Variants in EML5 observed in about 807,000 individuals in gnomAD.
EML5 encodes the protein echinoderm microtubule-associated protein-like 5.
In EML5, 120 loss-of-function variants were observed where a neutral mutation model predicts 250.0. The observed-to-expected ratio is 0.48, with a 90% CI of 0.41 to 0.56. The LOEUF (loss-of-function observed/expected upper bound fraction) is 0.56. Ranked by LOEUF, EML5 falls within the 20% of genes least tolerant of loss-of-function variation. EML5 has a pLI of 0.00. For missense variants in EML5, 2,006 were observed against 2,437.6 expected (o/e 0.82, Z 3.73); for synonymous variants, 771 against 806.5 (o/e 0.96, Z 0.75).
intron 14 of EML5, 40 bp downstream of exon 14, chr14:88,702,406 G>T (rs747087051): frequency 1.1e-5 from 17 of 1,506,482 alleles, no homozygotes; most frequent in Admixed American, 4.1e-5. Flanking sequence ...TCAAACAAAG[G>T]TGTAGCTTAT....
intron 2 of EML5, among the ~76,000 whole-genome samples, chr14:88,751,533 T>G (rs777101352): frequency 6.6e-6 from 1 of 152,012 alleles, no homozygotes; most frequent in Non-Finnish European, 1.5e-5. Context: ...TGGTTTTTTT[T>G]TGATAGTGTT....
intron 1 of EML5, among the ~76,000 whole-genome samples, chr14:88,766,952 T>G (rs2094328524): frequency 6.6e-6 from 1 of 152,202 alleles, no homozygotes; most frequent in Non-Finnish European, 1.5e-5. Context: ...ATGTTTTACA[T>G]TCTTTCATAA....
At chr14:88,676,986 C>A (rs1419260474) in intron 21 of EML5, among the ~76,000 whole-genome samples, 1 of 152,168 alleles carries the variant, frequency 6.6e-6, no homozygotes, top group East Asian at 1.9e-4. Flanking sequence ...CTCACTGCAA[C>A]CTTCACCTCC....
intron 1 of EML5, among the ~76,000 whole-genome samples, chr14:88,780,766 G>A (rs1311015558): frequency 1.3e-5 from 2 of 151,988 alleles, no homozygotes; most frequent in Admixed American, 1.3e-4. Flanking sequence ...GTAGAGACGG[G>A]GTTTCATCAT....
At chr14:88,636,530 G>T (rs866907664) in intron 32 of EML5, among the ~76,000 whole-genome samples, 1 of 152,110 alleles carries the variant, frequency 6.6e-6, no homozygotes, top group Non-Finnish European at 1.5e-5. Context: ...GCATGGTGGC[G>T]TGCACCTGTA....
chr14:88,657,640 GA>G (rs1275088227), intron 26 of EML5, 138 bp from the exon 27 acceptor site: 5 of 721,986 alleles, frequency 6.9e-6, no homozygotes, highest in Non-Finnish European at 8.2e-6. Context: ...TATACAACCA[GA>G]AAAAACGATG....
intron 15 of EML5, 144 bp from the exon 16 acceptor site, chr14:88,695,598 G>T: frequency 1.3e-6 from 1 of 746,584 alleles, no homozygotes; most frequent in Non-Finnish European, 2.1e-6. Context: ...CCTATAAAAA[G>T]AACCAGAATT....
chr14:88,740,634 C>A, intron 4 of EML5, 62 bp from the exon 5 acceptor site: 1 of 1,400,452 alleles, frequency 7.1e-7, no homozygotes, highest in Non-Finnish European at 9.7e-7. Flanking sequence ...GTAAAACATT[C>A]CCAATACTTT....
chr14:88,631,042 G>T (rs1312673666), intron 33 of EML5, among the ~76,000 whole-genome samples: 2 of 152,136 alleles, frequency 1.3e-5, no homozygotes, highest in Non-Finnish European at 2.9e-5. Context: ...ATGGGCAACT[G>T]CCTGTCACTA....
At chr14:88,774,966 CCT>C (rs1204137912) in intron 1 of EML5, among the ~76,000 whole-genome samples, 9 of 152,172 alleles carry the variant, frequency 5.9e-5, no homozygotes, top group Admixed American at 1.3e-4. Flanking sequence ...TCATGAGGCC[CCT>C]GTTTCAGGCC....
At chr14:88,720,557 G>A (rs549568875) in intron 8 of EML5, among the ~76,000 whole-genome samples, 2 of 152,068 alleles carry the variant, frequency 1.3e-5, no homozygotes, top group South Asian at 4.2e-4. Flanking sequence ...TGCAGAAAAC[G>A]CCTTTGATAA....
Position 88,749,109 on chromosome 14 carries a change from C to T in EML5, c.358-2826G>A, listed in dbSNP as rs199607977. On this transcript the variant is annotated intron_variant, in intron 2 of 43. Coordinates refer to ENST00000554922, the MANE Select transcript of EML5 (RefSeq NM_183387.3). Reference sequence around the variant, plus strand: ...ATCCCAAGCAGGATAATCATTCACACAGAAAAAACACACAAGACACATGGC... The same window carrying T: ...ATCCCAAGCAGGATAATCATTCACATAGAAAAAACACACAAGACACATGGC... 5.9e-5 allele frequency among the ~76,000 whole-genome samples: 9 copies of T among 152,076 alleles called. No individual in the cohort carries two copies. The East Asian group carries it at 1.7e-3, about 29-fold the overall frequency.
chr14:88,757,817 T>C lies in EML5; in HGVS notation c.198-3146A>G, dbSNP rs537032810. Among the ~76,000 whole-genome samples, 10 of 151,992 alleles carry C rather than the reference T, an allele frequency of 6.6e-5. No individual in the cohort carries two copies. In the South Asian group the frequency reaches 2.1e-3, roughly 32 times the overall value. The stretch of plus-strand genomic sequence containing the variant: ...TTCCCTCTTTCCTTCCTTCCTTTTC[T>C]TGCTTTCTTCCTTTCTCTCTCTTTC... On this transcript the variant is annotated intron_variant, in intron 1 of 43. Coordinates refer to ENST00000554922, the MANE Select transcript of EML5 (RefSeq NM_183387.3).
intron 21 of EML5, among the ~76,000 whole-genome samples, chr14:88,669,770 T>C (rs978558224): frequency 2.0e-5 from 3 of 152,192 alleles, no homozygotes; most frequent in African/African-American, 7.2e-5. Flanking sequence ...GGGTCCTGGA[T>C]CCTGTACCTC....
intron 7 of EML5, among the ~76,000 whole-genome samples, chr14:88,735,590 G>A (rs1471798831): frequency 6.6e-6 from 1 of 152,212 alleles, no homozygotes; most frequent in East Asian, 1.9e-4. Context: ...CACAATAGGT[G>A]TATAAATTGT....
chr14:88,636,476 C>T (rs1328817537), intron 32 of EML5, among the ~76,000 whole-genome samples: 5 of 152,272 alleles, frequency 3.3e-5, no homozygotes, highest in African/African-American at 1.2e-4. Context: ...TCCTGGCCAA[C>T]ATGGTGAAAC....
intron 1 of EML5, among the ~76,000 whole-genome samples, chr14:88,767,797 A>T (rs1380840832): frequency 3.9e-5 from 6 of 152,230 alleles, no homozygotes; most frequent in Non-Finnish European, 8.8e-5. Flanking sequence ...TACAATATAA[A>T]CATTTTACAT....
intron 4 of EML5, among the ~76,000 whole-genome samples, chr14:88,741,124 CT>C (rs1261460119): frequency 6.6e-6 from 1 of 151,986 alleles, no homozygotes; most frequent in Non-Finnish European, 1.5e-5. Context: ...GAGTGTACCA[CT>C]GCACTCCAGC....
chr14:88,785,114 T>C (rs2094538055), intron 1 of EML5, among the ~76,000 whole-genome samples: 1 of 152,194 alleles, frequency 6.6e-6, no homozygotes, highest in Admixed American at 6.5e-5. Context: ...TGTTCCCACT[T>C]ATTTGTGGGA....
Sources: allele counts gnomAD v4.1 joint callset (sites outside exome capture counted in the v4.1 genomes callset), GRCh38; gene constraint gnomAD v4.1.1; transcripts MANE v1.5; gene names NCBI Gene and HGNC (gene_info 2026-07-23, HGNC 2026-07-21).